The following SYNJ2 variants were observed in gnomAD, a reference collection of about 807,000 sequenced individuals.
SYNJ2 encodes polyphosphatidylinositol phosphatase SYNJ2.
A neutral mutation model predicts 141.3 loss-of-function variants in SYNJ2; 116 were observed. That is an observed-to-expected ratio of 0.82 (90% CI 0.71 to 0.96). The LOEUF is 0.96. SYNJ2 is among the 40% of genes least tolerant of loss of function. SYNJ2 has a pLI of 0.00. For synonymous variants in SYNJ2, 745 were observed against 777.7 expected, an observed-to-expected ratio of 0.96 and a Z score of 0.70; for missense variants, 1,873 against 1,934.8, an observed-to-expected ratio of 0.97 and a Z score of 0.60.
At chr6:158,005,511 G>A (rs1171258582) in intron 1 of SYNJ2, among the ~76,000 whole-genome samples, 4 of 75,832 alleles carry the variant, frequency 5.3e-5, no homozygotes, top group African/African-American at 1.5e-4. Flanking sequence ...CTCCCCACCC[G>A]CCCTTCTCTT....
Position 158,043,582 on chromosome 6 carries a change from G to A in SYNJ2, c.795+183G>A, listed in dbSNP as rs867108671. Among the ~76,000 whole-genome samples, 7 of 152,206 alleles carry A rather than the reference G, an allele frequency of 4.6e-5. No individual in the cohort carries two copies. The highest frequency in any genetic ancestry group is 2.1e-4 in the South Asian group (1 of 4,836). On this transcript the variant is annotated intron_variant, in intron 5 of 26. Transcript: ENST00000355585. This position sits in a 1 kb window ranked among gnomAD's most constrained non-coding sequence, Gnocchi z 4.0. ...TGCACACGTGTGTGCATATGCATGC[G>A]TGCGTGTGTGTAGAAAACACAGACA...
intron 1 of SYNJ2, among the ~76,000 whole-genome samples, chr6:157,985,841 C>T (rs969758951): frequency 6.6e-6 from 1 of 152,102 alleles, no homozygotes; most frequent in Non-Finnish European, 1.5e-5. Context: ...GGGCAGGAGA[C>T]TTGAGAGAAT....
intron 12 of SYNJ2, 124 bp from the exon 13 acceptor site, chr6:158,068,523 C>A: frequency 9.9e-7 from 1 of 1,013,324 alleles, no homozygotes; most frequent in Non-Finnish European, 1.5e-6. Flanking sequence ...GCAATGGTAG[C>A]CACCTGGAGT....
intron 6 of SYNJ2, among the ~76,000 whole-genome samples, chr6:158,056,711 G>C (rs1159624357): frequency 6.6e-6 from 1 of 152,194 alleles, no homozygotes; most frequent in African/African-American, 2.4e-5. Context: ...TCTCTTCTCT[G>C]GGACATCACT....
In SYNJ2 at chr6:158,034,616, C is replaced by T. The variant is rs117820958; in HGVS notation, c.711+936C>T. Among the ~76,000 whole-genome samples, 41 of 152,320 alleles carry T rather than the reference C, an allele frequency of 2.7e-4. No homozygotes were observed. In the East Asian group the frequency reaches 6.6e-3, roughly 24 times the overall value. ...CAGAGGAACATCAGAGCAGGGGGCCCTAAGATGGGCAACAGCTGCAATTAC... is the reference window on the plus strand; with the variant it reads ...CAGAGGAACATCAGAGCAGGGGGCCTTAAGATGGGCAACAGCTGCAATTAC... On this transcript the variant is annotated intron_variant, in intron 4 of 26. Coordinates refer to ENST00000355585, the MANE Select transcript of SYNJ2 (RefSeq NM_003898.4).
chr6:158,001,104 T>TCCAC (rs1554230163), intron 1 of SYNJ2: 1 of 152,068 alleles, frequency 6.6e-6, no homozygotes, highest in African/African-American at 2.4e-5. Context: ...GTCCGCGGTA[T>TCCAC]CCCCAGCTCT....
chr6:158,047,444 A>G (rs147726909), intron 5 of SYNJ2, among the ~76,000 whole-genome samples: 4 of 152,266 alleles, frequency 2.6e-5, no homozygotes, highest in Admixed American at 2.6e-4. Context: ...GGCTAACAAT[A>G]TCTACCTTAT....
Position 158,043,336 on chromosome 6 carries a change from A to G in SYNJ2, c.732A>G (p.Gly244=). The change falls in exon 5 of 27, where the codon GGA becomes GGG. Residue 244 remains glycine, a synonymous_variant. Transcript: ENST00000355585. This position sits in a 1 kb window ranked among gnomAD's most constrained non-coding sequence, Gnocchi z 4.0. ...ETEQMIYMDD[G]VSSFVQIRGS... ...CGCAGATGATTTACATGGACGATGG[A>G]GTGTCATCTTTTGTCCAGATCAGAG... 3 of 1,613,950 alleles carry G rather than the reference A, an allele frequency of 1.9e-6. No individual in the cohort carries two copies. The highest frequency in any genetic ancestry group is 2.5e-6 in the Non-Finnish European group (3 of 1,179,910).
rs763322625 is a variant in SYNJ2, at chr6:158,017,244, G to C, written c.168G>C (p.Lys56Asn). Residue 56 changes from lysine to asparagine, a missense_variant, in exon 2 of 27, where the codon AAG (lysine) becomes AAC (asparagine). Lys to Asn is a moderately conservative substitution (Grantham distance 94). Transcript: ENST00000355585. ...AAGTCATTAAAGGACAGTATGGCAA[G>C]CTCACGGACGCGTACGGCTGCCTGG... ...EKEVIKGQYG[K>N]LTDAYGCLGE... 6.2e-7 allele frequency: 1 copy of C among 1,613,974 alleles called. No homozygotes were observed. The highest frequency in any genetic ancestry group is 1.7e-5 in the Admixed American group (1 of 60,010).
Position 158,043,389 on chromosome 6 carries a change from C to A in SYNJ2, c.785C>A (p.Pro262Gln). 1 of 1,613,492 alleles carries A rather than the reference C, an allele frequency of 6.2e-7. No homozygotes were observed. Among genetic ancestry groups the A allele is most frequent in the South Asian group, 1.1e-5 (1 of 91,054 alleles). Reference sequence around the variant, plus strand: ...TCCGTTCCGCTGTTCTGGGAACAGCCAGGGCTTCAGGTAGGTCATGAAAAA... The same window carrying A: ...TCCGTTCCGCTGTTCTGGGAACAGCAAGGGCTTCAGGTAGGTCATGAAAAA... ...RGSVPLFWEQ[P>Q]GLQVGSHHLR... Residue 262 changes from proline to glutamine, a missense_variant, in exon 5 of 27, where the codon CCA becomes CAA. Pro to Gln is a moderately conservative substitution (Grantham distance 76). Coordinates refer to ENST00000355585, the MANE Select transcript of SYNJ2 (RefSeq NM_003898.4). The surrounding 1 kb of genome is among the most constrained non-coding windows in gnomAD (Gnocchi z 4.0).
chr6:158,046,630 G>A (rs1181537401), intron 5 of SYNJ2, among the ~76,000 whole-genome samples: 1 of 152,222 alleles, frequency 6.6e-6, no homozygotes, highest in African/African-American at 2.4e-5. Flanking sequence ...GGGCAGGGTT[G>A]AGCAGAGGGT....
At chr6:158,093,659 G>A (rs368097472) in intron 26 of SYNJ2, among the ~76,000 whole-genome samples, 1 of 152,140 alleles carries the variant, frequency 6.6e-6, no homozygotes, top group African/African-American at 2.4e-5. Context: ...GAACAGCTTG[G>A]AGGTATTATG....
At chr6:158,009,185 C>T (rs1778174981) in intron 1 of SYNJ2, among the ~76,000 whole-genome samples, 1 of 152,208 alleles carries the variant, frequency 6.6e-6, no homozygotes, top group African/African-American at 2.4e-5. Context: ...TATTCATACC[C>T]TACTCCCTGC....
intron 11 of SYNJ2, among the ~76,000 whole-genome samples, chr6:158,065,474 C>A (rs977234873): frequency 6.6e-6 from 1 of 152,046 alleles, no homozygotes; most frequent in African/African-American, 2.4e-5. Flanking sequence ...CTGGTCTCAG[C>A]GGCAAGACAT....
intron 6 of SYNJ2, among the ~76,000 whole-genome samples, chr6:158,055,398 T>C (rs1780807216): frequency 6.6e-6 from 1 of 152,170 alleles, no homozygotes; most frequent in Non-Finnish European, 1.5e-5. Flanking sequence ...TATAGAAAAG[T>C]ATAAAGTGAA....
chr6:158,066,429 T>A lies in SYNJ2; in HGVS notation c.1526-15T>A. The stretch of plus-strand genomic sequence containing the variant: ...GGAACTGCAAAGAAATGTGCCTTTT[T>A]ATGCCTCCTGACAGTGACTCCCAGG... On this transcript the variant is annotated splice_polypyrimidine_tract_variant and intron_variant, in intron 11 of 26. Coordinates refer to ENST00000355585, the MANE Select transcript of SYNJ2 (RefSeq NM_003898.4). 1 of 1,613,652 alleles carries A rather than the reference T, an allele frequency of 6.2e-7. No homozygotes were observed. The highest frequency in any genetic ancestry group is 8.5e-7 in the Non-Finnish European group (1 of 1,179,598).
Position 158,027,132 on chromosome 6 carries a change from G to A in SYNJ2, c.215-1624G>A. On this transcript the variant is annotated intron_variant, in intron 2 of 26. Coordinates refer to ENST00000355585, the MANE Select transcript of SYNJ2 (RefSeq NM_003898.4). The surrounding 1 kb of genome is among the most constrained non-coding windows in gnomAD (Gnocchi z 4.6). ...TTTAATGACAGCCACACGCCACCCT[G>A]CCACAAGCAGCGCTCTTCTCCCTAT... 2.0e-6 allele frequency: 2 copies of A among 985,404 alleles called. No homozygotes were observed. Among genetic ancestry groups the A allele is most frequent in the Non-Finnish European group, 2.4e-6 (2 of 829,926 alleles). The allele number at this position is 985,404 out of a possible 1,614,324, so 61.0% of individuals were successfully genotyped here.
intron 1 of SYNJ2, among the ~76,000 whole-genome samples, chr6:157,990,509 G>C (rs1468407662): frequency 6.6e-6 from 1 of 152,104 alleles, no homozygotes; most frequent in East Asian, 1.9e-4. Context: ...AGTAGGATGT[G>C]GTCTCCCTGA....
chr6:158,093,632 C>T (rs1299097574), intron 26 of SYNJ2, among the ~76,000 whole-genome samples: 1 of 152,126 alleles, frequency 6.6e-6, no homozygotes, highest in African/African-American at 2.4e-5. Context: ...CTGTCTGGCA[C>T]ATTGTCAGTG....
Sources: allele counts gnomAD v4.1 joint callset (sites outside exome capture counted in the v4.1 genomes callset), GRCh38; gene constraint gnomAD v4.1.1; non-coding constraint Gnocchi (gnomAD v3.1); transcripts MANE v1.5; gene names NCBI Gene and HGNC (gene_info 2026-07-23, HGNC 2026-07-21).